The following MCM9 variants were observed in gnomAD, a reference collection of about 807,000 sequenced individuals.
The protein encoded by MCM9 is DNA helicase MCM9.
A neutral mutation model predicts 72.8 loss-of-function variants in MCM9; 55 were observed. That is an observed-to-expected ratio of 0.76 (90% CI 0.61 to 0.95). MCM9 has a LOEUF of 0.95. MCM9 is among the 40% of genes least tolerant of loss of function. MCM9 has a pLI of 0.00. For missense variants in MCM9, 1,279 were observed against 1,377.0 expected, an observed-to-expected ratio of 0.93 and a Z score of 1.13; for synonymous variants, 480 against 503.4, an observed-to-expected ratio of 0.95 and a Z score of 0.62.
intron 8 of MCM9, chr6:118,907,497 T>G: frequency 6.2e-7 from 1 of 1,613,624 alleles, no homozygotes; most frequent in African/African-American, 1.3e-5. Flanking sequence ...CAGAGAGCAG[T>G]AATCCAAATC....
In MCM9 at chr6:118,845,893, C is replaced by T. The variant is rs539738792; in HGVS notation, c.1325+10478G>A. Reference sequence around the variant, plus strand: ...TAACCATTAATAAGTCTTCCTTGTACTAATTTTAAATATGCTTCCCTGAAC... The same window carrying T: ...TAACCATTAATAAGTCTTCCTTGTATTAATTTTAAATATGCTTCCCTGAAC... On this transcript the variant is annotated intron_variant, in intron 9 of 13. Transcript: ENST00000619706. 3.8e-4 allele frequency among the ~76,000 whole-genome samples: 57 copies of T among 151,950 alleles called. 3 individuals carry two copies. The highest frequency in any genetic ancestry group is 1.4e-3 in the African/African-American group (56 of 41,256).
chr6:118,872,672 A>C (rs998705085), intron 8 of MCM9, among the ~76,000 whole-genome samples: 33 of 152,222 alleles, frequency 2.2e-4, no homozygotes, highest in African/African-American at 5.8e-4. Context: ...CCTAAAAAAA[A>C]ACACACACAC....
At position 118,931,559 on chromosome 6, in the gene MCM9, C is replaced by A. The variant is rs1221350810; in HGVS notation, c.165G>T (p.Gly55=). The A allele has an allele frequency of 6.2e-7, 1 of 1,614,002 alleles. No individual in the cohort carries two copies. Among genetic ancestry groups the A allele is most frequent in the East Asian group, 2.2e-5 (1 of 44,864 alleles). Residue 55 remains glycine, a synonymous_variant, in exon 3 of 14, where the codon GGG becomes GGT. Transcript: ENST00000619706. ...CACTGGGGAACATGTTGAAATATTCCCCGATTTCCATGTTGGTCTCAAACA... is the reference window on the plus strand; with the variant it reads ...CACTGGGGAACATGTTGAAATATTCACCGATTTCCATGTTGGTCTCAAACA... ...MTLFETNMEI[G]EYFNMFPSEV...
intron 8 of MCM9, among the ~76,000 whole-genome samples, chr6:118,869,599 C>CCAAAAAAA (rs776414465): frequency 1.7e-4 from 10 of 58,308 alleles, no homozygotes; most frequent in Admixed American, 9.1e-4. Context: ...AAAGGATTTA[C>CCAAAAAAA]AAAAAAAAAA....
Position 118,821,792 on chromosome 6 carries a change from A to G in MCM9, c.1961+4355T>C, listed in dbSNP as rs540515624. 5.3e-5 allele frequency among the ~76,000 whole-genome samples: 8 copies of G among 152,106 alleles called. No homozygotes were observed. The South Asian group carries it at 1.5e-3, about 28-fold the overall frequency. On this transcript the variant is annotated intron_variant, in intron 13 of 13. Coordinates refer to ENST00000619706, the MANE Select transcript of MCM9 (RefSeq NM_017696.3). Reference sequence around the variant, plus strand: ...AGGTATGGTCTTTTCACACAGTCCCATATTTCTTGGAGGTTTTATTCATTC... The same window carrying G: ...AGGTATGGTCTTTTCACACAGTCCCGTATTTCTTGGAGGTTTTATTCATTC...
chr6:118,856,686 C>T (rs184452589), intron 8 of MCM9, 141 bp from the exon 9 acceptor site: 2 of 858,956 alleles, frequency 2.3e-6, no homozygotes, highest in African/African-American at 3.4e-5. Flanking sequence ...CGAGGCCTGC[C>T]TGGACAACAT....
rs376873539 is a variant in MCM9, at chr6:118,913,406, A to G, written c.919T>C (p.Leu307=). The G allele has an allele frequency of 1.2e-6, 2 of 1,613,518 alleles. No individual in the cohort carries two copies. The highest frequency in any genetic ancestry group is 1.7e-4 in the Middle Eastern group (1 of 6,058). Residue 307 remains leucine, a synonymous_variant, in exon 7 of 14, where the codon TTG becomes CTG. Coordinates refer to ENST00000619706, the MANE Select transcript of MCM9 (RefSeq NM_017696.3). ...AACACTTGAGGGCACAAGCTAGCCA[A>G]TATTACATTCCTTCCTAGGAAAAGC... ...SDPFAGRNVI[L]ASLCPQVFGM... is the part of the protein sequence containing the mutation.
intron 9 of MCM9, among the ~76,000 whole-genome samples, chr6:118,852,694 T>C (rs1776308148): frequency 6.6e-6 from 1 of 152,234 alleles, no homozygotes; most frequent in African/African-American, 2.4e-5. Context: ...GTCTGTTGAA[T>C]CTACAAATAA....
intron 8 of MCM9, chr6:118,900,787 A>G: frequency 6.2e-7 from 1 of 1,613,378 alleles, no homozygotes; most frequent in Non-Finnish European, 8.5e-7. Flanking sequence ...AAAATTATCT[A>G]TGTGGGCTCT....
rs1773335977 is a variant in MCM9, at chr6:118,815,265, T to C, written c.2991A>G (p.Pro997=). The change falls in exon 14 of 14, where the codon CCA becomes CCG. Residue 997 remains proline, a synonymous_variant. Coordinates refer to ENST00000619706, the MANE Select transcript of MCM9 (RefSeq NM_017696.3). ...QGETKEVSQQ[P]PEKHGPREKV... ...TCTCTCTTGGTCCGTGTTTCTCTGGTGGCTGCTGCGACACCTCCTTTGTCT... is the reference window on the plus strand; with the variant it reads ...TCTCTCTTGGTCCGTGTTTCTCTGGCGGCTGCTGCGACACCTCCTTTGTCT... 1 of 1,550,760 alleles carries C rather than the reference T, an allele frequency of 6.4e-7. No individual in the cohort carries two copies. The highest frequency in any genetic ancestry group is 8.7e-7 in the Non-Finnish European group (1 of 1,146,970).
intron 8 of MCM9, among the ~76,000 whole-genome samples, chr6:118,885,038 T>C (rs1396529724): frequency 6.6e-6 from 1 of 151,798 alleles, no homozygotes; most frequent in Non-Finnish European, 1.5e-5. Flanking sequence ...CTACTAAAAA[T>C]ACAAAAAATT....
chr6:118,867,591 A>G (rs149507397), intron 8 of MCM9, among the ~76,000 whole-genome samples: 3,269 of 152,270 alleles, frequency 0.021, 54 homozygotes, highest in African/African-American at 0.05. Context: ...ATTACTTATC[A>G]TTGTGTCACA....
At chr6:118,889,300 G>A (rs935179388) in intron 8 of MCM9, among the ~76,000 whole-genome samples, 2 of 152,088 alleles carry the variant, frequency 1.3e-5, no homozygotes, top group African/African-American at 2.4e-5. Context: ...ATGCATATGA[G>A]GCCTCCAATC....
chr6:118,834,490 G>T lies in MCM9; in HGVS notation c.1326-5240C>A, dbSNP rs576900359. On this transcript the variant is annotated intron_variant, in intron 9 of 13. Coordinates refer to ENST00000619706, the MANE Select transcript of MCM9 (RefSeq NM_017696.3). ...ACACACCCACCAACAGTGTAAAACA[G>T]TTCCTATTTCTCCACATCCTCTCCA... Among the ~76,000 whole-genome samples the T allele has an allele frequency of 2.1e-4, 32 of 152,242 alleles. No homozygotes were observed. The South Asian group carries it at 3.5e-3, about 17-fold the overall frequency.
intron 3 of MCM9, among the ~76,000 whole-genome samples, chr6:118,925,343 C>A (rs1781802957): frequency 6.6e-6 from 1 of 152,084 alleles, no homozygotes; most frequent in African/African-American, 2.4e-5. Context: ...TTGTCCAGCC[C>A]ATGAGAAATG....
chr6:118,843,720 G>GTGTATATA (rs1554257161), intron 9 of MCM9, among the ~76,000 whole-genome samples: 2 of 102,006 alleles, frequency 2.0e-5, no homozygotes, highest in African/African-American at 8.9e-5. Flanking sequence ...ATATATATAT[G>GTGTATATA]TATATATATA....
intron 8 of MCM9, among the ~76,000 whole-genome samples, chr6:118,883,443 T>C (rs1778420737): frequency 1.2e-5 from 1 of 85,760 alleles, no homozygotes; most frequent in South Asian, 5.1e-4. Context: ...CTGAAAACTC[T>C]CCAAATTTGA....
At chr6:118,816,368 T>C in intron 13 of MCM9, 74 bp from the exon 14 acceptor site, 1 of 1,270,994 alleles carries the variant, frequency 7.9e-7, no homozygotes, top group Non-Finnish European at 1.0e-6. Context: ...ATTTCTTTAG[T>C]CTCTGAGATA....
chr6:118,904,246 T>A (rs1307993998), intron 8 of MCM9, among the ~76,000 whole-genome samples: 1 of 152,130 alleles, frequency 6.6e-6, no homozygotes, highest in East Asian at 1.9e-4. Context: ...ACTGACTAGA[T>A]GTAGGAGATA....
Sources: allele counts gnomAD v4.1 joint callset (sites outside exome capture counted in the v4.1 genomes callset), GRCh38; gene constraint gnomAD v4.1.1; transcripts MANE v1.5; gene names NCBI Gene and HGNC (gene_info 2026-07-23, HGNC 2026-07-21).